Variants in DOCK4 observed in about 807,000 individuals in gnomAD.
The protein encoded by DOCK4 is dedicator of cytokinesis 4.
A neutral mutation model predicts 268.1 loss-of-function variants in DOCK4; 97 were observed. The ratio of observed to expected loss-of-function variants is 0.36; its 90% CI spans 0.31 to 0.43. The LOEUF (loss-of-function observed/expected upper bound fraction) is 0.43. Ranked by LOEUF, DOCK4 falls within the 20% of genes least tolerant of loss-of-function variation. The probability of loss-of-function intolerance (pLI) is 1.00; values close to 1 mark genes in which losing one functional copy is unlikely to be tolerated. For synonymous variants in DOCK4, 954 were observed against 887.2 expected (o/e 1.08, Z -1.34); for missense variants, 2,145 against 2,455.7 (o/e 0.87, Z 2.67).
chr7:112,110,028 G>C (rs998583749), intron 1 of DOCK4, among the ~76,000 whole-genome samples: 2 of 151,354 alleles, frequency 1.3e-5, no homozygotes, highest in African/African-American at 2.5e-5. Flanking sequence ...ACAGGCGTGA[G>C]CCACCGCGCC....
At chr7:111,866,644 G>T (rs541188778) in intron 22 of DOCK4, among the ~76,000 whole-genome samples, 184 of 152,116 alleles carry the variant, frequency 1.2e-3, no homozygotes, top group Non-Finnish European at 2.2e-3. Context: ...CCACCTTAGG[G>T]GGACCTCCAG....
chr7:111,934,307 T>C (rs990233455), intron 12 of DOCK4, among the ~76,000 whole-genome samples: 2 of 152,220 alleles, frequency 1.3e-5, no homozygotes, highest in African/African-American at 2.4e-5. Context: ...ATATACTATA[T>C]GTTACTAGTA....
chr7:112,137,933 C>T (rs899319127), intron 1 of DOCK4, among the ~76,000 whole-genome samples: 7 of 152,322 alleles, frequency 4.6e-5, no homozygotes, highest in African/African-American at 1.7e-4. Context: ...AAAGTATTTG[C>T]ATAGTGCTTA....
intron 50 of DOCK4, among the ~76,000 whole-genome samples, chr7:111,735,819 A>T (rs1795434524): frequency 6.6e-6 from 1 of 152,228 alleles, no homozygotes; most frequent in Non-Finnish European, 1.5e-5. Flanking sequence ...AATGAGGTTT[A>T]CAACAGCAAA....
chr7:111,743,684 G>T (rs1585850138), intron 44 of DOCK4, among the ~76,000 whole-genome samples: 1 of 152,144 alleles, frequency 6.6e-6, no homozygotes, highest in Non-Finnish European at 1.5e-5. Context: ...GTTTATCAGG[G>T]TGTACCTTGG....
chr7:112,124,193 T>C (rs1813008091), intron 1 of DOCK4, among the ~76,000 whole-genome samples: 1 of 152,078 alleles, frequency 6.6e-6, no homozygotes, highest in East Asian at 1.9e-4. Flanking sequence ...CTCGACTATT[T>C]TATTTTTTGT....
At chr7:112,111,495 C>T (rs1447347659) in intron 1 of DOCK4, among the ~76,000 whole-genome samples, 2 of 152,162 alleles carry the variant, frequency 1.3e-5, no homozygotes, top group Non-Finnish European at 2.9e-5. Context: ...TGAACTTACA[C>T]CTATGTTAGG....
At chr7:111,928,521 T>C (rs957335226) in intron 12 of DOCK4, among the ~76,000 whole-genome samples, 1 of 152,104 alleles carries the variant, frequency 6.6e-6, no homozygotes, top group African/African-American at 2.4e-5. Flanking sequence ...GTCATTAGCA[T>C]GATTTAGATC....
rs1440230470 is a variant in DOCK4 at position 112,027,524 on chromosome 7, C to T, written c.38-23393G>A. Among the ~76,000 whole-genome samples the T allele has an allele frequency of 2.0e-5, 3 of 152,190 alleles. No individual in the cohort carries two copies. In the East Asian group the frequency reaches 5.8e-4, roughly 29 times the overall value. On this transcript the variant is annotated intron_variant, in intron 1 of 52. Coordinates refer to ENST00000428084, the MANE Select transcript of DOCK4 (RefSeq NM_001363540.2). ...ACAGGCATGAACCACCATGCCCAGT[C>T]CTTTACTTATGTTTTTAGTTAATTT...
chr7:111,946,503 A>C (rs1469153995), intron 8 of DOCK4, among the ~76,000 whole-genome samples: 5 of 152,226 alleles, frequency 3.3e-5, no homozygotes, highest in Admixed American at 3.3e-4. Context: ...AGTGCCACCT[A>C]GATTTAATGA....
At chr7:111,790,372 CA>C in intron 31 of DOCK4, 84 bp downstream of exon 31, 1 of 1,519,864 alleles carries the variant, frequency 6.6e-7, no homozygotes, top group Middle Eastern at 1.9e-4. Flanking sequence ...GTTCATTTCC[CA>C]AGTTGGAGTT....
chr7:111,760,620 A>G (rs557937039), intron 39 of DOCK4, among the ~76,000 whole-genome samples: 8 of 152,190 alleles, frequency 5.3e-5, no homozygotes, highest in African/African-American at 1.9e-4. Context: ...AAACAAAACA[A>G]TTGTATCCCT....
At chr7:112,121,890 C>G (rs1288744957) in intron 1 of DOCK4, among the ~76,000 whole-genome samples, 2 of 152,160 alleles carry the variant, frequency 1.3e-5, no homozygotes, top group Non-Finnish European at 2.9e-5. Context: ...ACAGATGATA[C>G]TCTCTTCTTT....
chr7:112,159,693 C>A (rs1395513990), intron 1 of DOCK4, among the ~76,000 whole-genome samples: 1 of 151,730 alleles, frequency 6.6e-6, no homozygotes, highest in Admixed American at 6.6e-5. Flanking sequence ...ATCCCAATAA[C>A]AATTCTGTCT....
At chr7:111,901,591 A>G (rs1179627649) in intron 14 of DOCK4, 86 bp downstream of exon 14, 1 of 1,336,252 alleles carries the variant, frequency 7.5e-7, no homozygotes, top group East Asian at 2.4e-5. Flanking sequence ...CTGATCGTAA[A>G]TCAGAAAATA....
intron 1 of DOCK4, among the ~76,000 whole-genome samples, chr7:112,106,535 GC>G (rs1811161115): frequency 6.6e-6 from 1 of 152,210 alleles, no homozygotes. Flanking sequence ...ACGGTGGATG[GC>G]AGAAATGCTT....
At chr7:111,961,007 T>C (rs1230905026) in intron 8 of DOCK4, among the ~76,000 whole-genome samples, 2 of 152,136 alleles carry the variant, frequency 1.3e-5, no homozygotes, top group Non-Finnish European at 2.9e-5. Context: ...CAGATATCTC[T>C]TGCACACACT....
chr7:111,964,815 G>A (rs1797254236), intron 8 of DOCK4, among the ~76,000 whole-genome samples: 1 of 92,332 alleles, frequency 1.1e-5, no homozygotes, highest in Non-Finnish European at 2.0e-5. Context: ...GAAAGGTCGG[G>A]TTACCCTCAA....
rs542119347 is a variant in DOCK4, at chr7:112,037,419, C to A, written c.38-33288G>T. Among the ~76,000 whole-genome samples the A allele has an allele frequency of 3.9e-5, 6 of 152,216 alleles. No homozygotes were observed. In the South Asian group the frequency reaches 1.2e-3, roughly 32 times the overall value. ...TAGGATATAGAATGTTACCATCATC[C>A]CAGAAACTTCCTTTTTGCACCTTTC... On this transcript the variant is annotated intron_variant, in intron 1 of 52. Transcript: ENST00000428084.
Sources: gnomAD v4.1 joint callset for allele counts (sites outside exome capture counted in the v4.1 genomes callset) on GRCh38, gnomAD v4.1.1 for gene constraint, MANE v1.5 for transcripts, NCBI Gene and HGNC (gene_info 2026-07-23, HGNC 2026-07-21) for gene names.